DPYD: variants seen among roughly 807,000 people sequenced by gnomAD.
DPYD encodes the protein dihydropyrimidine dehydrogenase [NADP(+)].
In DPYD, 109 loss-of-function variants were observed where a neutral mutation model predicts 116.2. The ratio of observed to expected loss-of-function variants is 0.94; its 90% CI spans 0.80 to 1.10. The LOEUF (loss-of-function observed/expected upper bound fraction) is 1.10. Ranked by LOEUF, DPYD falls within the 50% of genes least tolerant of loss-of-function variation. DPYD has a pLI of 0.00. For synonymous variants in DPYD, 440 were observed against 432.0 expected, an observed-to-expected ratio of 1.02 and a Z score of -0.23; for missense variants, 1,302 against 1,254.5, an observed-to-expected ratio of 1.04 and a Z score of -0.57.
chr1:97,082,169 C>A (rs1483362685), intron 22 of DPYD, among the ~76,000 whole-genome samples, 161 bp downstream of exon 22: 1 of 152,018 alleles, frequency 6.6e-6, no homozygotes, highest in Admixed American at 6.6e-5. Context: ...TAAAAAAAGA[C>A]CATATTATAA....
chr1:97,235,379 AG>A (rs1661846388), intron 18 of DPYD, among the ~76,000 whole-genome samples: 1 of 152,182 alleles, frequency 6.6e-6, no homozygotes, highest in Admixed American at 6.5e-5. Flanking sequence ...GCACTTTGGG[AG>A]GCCGAGGTGG....
At chr1:97,105,380 C>G (rs750146127) in intron 20 of DPYD, among the ~76,000 whole-genome samples, 1 of 151,974 alleles carries the variant, frequency 6.6e-6, no homozygotes, top group Non-Finnish European at 1.5e-5. Flanking sequence ...CAGGGAGAGC[C>G]ACTATTTAAT....
chr1:97,264,586 G>A (rs75437550), intron 18 of DPYD, among the ~76,000 whole-genome samples: 2,376 of 152,108 alleles, frequency 0.016, 42 homozygotes, highest in Middle Eastern at 0.037. Flanking sequence ...AAATGCATAA[G>A]CCACATCCCT....
chr1:97,496,119 C>T (rs987310887), intron 13 of DPYD, among the ~76,000 whole-genome samples: 1 of 152,058 alleles, frequency 6.6e-6, no homozygotes, highest in Non-Finnish European at 1.5e-5. Flanking sequence ...GTCAGAGATA[C>T]CAGAGTTTTT....
intron 18 of DPYD, among the ~76,000 whole-genome samples, chr1:97,259,089 G>A (rs1230604969): frequency 3.3e-5 from 5 of 151,996 alleles, no homozygotes; most frequent in African/African-American, 2.4e-5. Context: ...CTAACTGGAT[G>A]GAAAACAGCT....
At chr1:97,127,576 G>C (rs1440848656) in intron 20 of DPYD, among the ~76,000 whole-genome samples, 2 of 152,048 alleles carry the variant, frequency 1.3e-5, no homozygotes, top group African/African-American at 4.8e-5. Flanking sequence ...CTTGAAGGTT[G>C]CTAGAAAGGT....
chr1:97,362,712 T>C (rs972411707), intron 16 of DPYD, among the ~76,000 whole-genome samples: 14 of 152,188 alleles, frequency 9.2e-5, no homozygotes, highest in Admixed American at 2.6e-4. Flanking sequence ...AAAGGATTCC[T>C]TATTTAATAA....
At chr1:97,729,018 C>G (rs1663431571) in intron 4 of DPYD, among the ~76,000 whole-genome samples, 1 of 152,092 alleles carries the variant, frequency 6.6e-6, no homozygotes, top group East Asian at 1.9e-4. Flanking sequence ...CTTTTCATAT[C>G]TTAGATATAC....
chr1:97,285,320 T>C (rs1433625931), intron 18 of DPYD, among the ~76,000 whole-genome samples: 2 of 152,200 alleles, frequency 1.3e-5, no homozygotes, highest in East Asian at 3.8e-4. Context: ...TCCTTCACTG[T>C]AGGTTCTATC....
In DPYD at chr1:97,450,207, A is replaced by G. The variant is rs374527058; in HGVS notation, c.1757T>C (p.Val586Ala). The change falls in exon 14 of 23, where the codon GTT (valine) becomes GCT (alanine). Residue 586 changes from valine (V) to alanine (A), a missense_variant. Val to Ala is a moderately conservative substitution (Grantham distance 64). Coordinates refer to ENST00000370192, the MANE Select transcript of DPYD (RefSeq NM_000110.4). ...GGTTCCCCGGATGATTCTGGGGGAA[A>G]CATTTGTCACAATGTCCTGATGAAA... Reference protein sequence around the residue: ...FSLDKDIVTNVSPRIIRGTTS... With the variant: ...FSLDKDIVTNASPRIIRGTTS... 8.4e-5 allele frequency: 135 copies of G among 1,613,524 alleles called. No homozygotes were observed. The highest frequency in any genetic ancestry group is 1.6e-4 in the Middle Eastern group (1 of 6,076).
At chr1:97,724,177 C>T (rs536373166) in intron 4 of DPYD, among the ~76,000 whole-genome samples, 3 of 151,718 alleles carry the variant, frequency 2.0e-5, no homozygotes, top group African/African-American at 7.2e-5. Flanking sequence ...CCACAGTTAA[C>T]ATCTCACTTT....
intron 16 of DPYD, among the ~76,000 whole-genome samples, chr1:97,317,543 T>A (rs1667932408): frequency 6.6e-6 from 1 of 152,036 alleles, no homozygotes. Context: ...ATGCAAAGCA[T>A]TAGTGTAAAC....
intron 21 of DPYD, chr1:97,095,910 G>C (rs1163170230): frequency 6.6e-6 from 1 of 152,108 alleles, no homozygotes; most frequent in African/African-American, 2.4e-5. Flanking sequence ...CAAGGTAGTG[G>C]AAAATCCACC....
At chr1:97,441,080 A>C (rs1675769070) in intron 14 of DPYD, among the ~76,000 whole-genome samples, 2 of 152,166 alleles carry the variant, frequency 1.3e-5, no homozygotes, top group African/African-American at 4.8e-5. Flanking sequence ...TCTGTACAGA[A>C]CATGTCTTTA....
chr1:97,519,851 T>C (rs915571211), intron 12 of DPYD, among the ~76,000 whole-genome samples: 2 of 152,120 alleles, frequency 1.3e-5, no homozygotes, highest in Non-Finnish European at 2.9e-5. Flanking sequence ...TCACATTCCA[T>C]CTTTCTTCTC....
chr1:97,825,678 G>A (rs966934691), intron 3 of DPYD, among the ~76,000 whole-genome samples: 9 of 150,724 alleles, frequency 6.0e-5, no homozygotes, highest in Non-Finnish European at 1.0e-4. Context: ...TGTGAATGAC[G>A]AGTTAATGGG....
chr1:97,132,129 C>A (rs902763811), intron 20 of DPYD, among the ~76,000 whole-genome samples: 1 of 152,170 alleles, frequency 6.6e-6, no homozygotes, highest in Admixed American at 6.6e-5. Context: ...TAAAAACACA[C>A]ATACACAATG....
intron 18 of DPYD, among the ~76,000 whole-genome samples, chr1:97,247,964 T>G (rs1015523542): frequency 7.2e-5 from 11 of 152,178 alleles, no homozygotes; most frequent in Non-Finnish European, 1.3e-4. Context: ...TTACACAAAC[T>G]CTTGTAGAAG....
chr1:97,118,928 A>G (rs1652200182), intron 20 of DPYD, among the ~76,000 whole-genome samples: 1 of 152,190 alleles, frequency 6.6e-6, no homozygotes, highest in African/African-American at 2.4e-5. Context: ...AGTTGCAAAC[A>G]GGAAAGAAAA....
Sources: allele counts gnomAD v4.1 joint callset (sites outside exome capture counted in the v4.1 genomes callset), GRCh38; gene constraint gnomAD v4.1.1; transcripts MANE v1.5; gene names NCBI Gene and HGNC (gene_info 2026-07-23, HGNC 2026-07-21).